Variants in CHD7 observed in about 807,000 individuals in gnomAD.
CHD7 encodes chromodomain helicase DNA binding protein 7, also known as ATP-dependent chromatin remodeler CHD7.
Under a neutral mutation model 307.3 loss-of-function variants are expected in CHD7, and 24 were observed. That is an observed-to-expected ratio of 0.08 (90% CI 0.06 to 0.11). The LOEUF (loss-of-function observed/expected upper bound fraction) is 0.11, where lower values mean the gene tolerates loss of function less well. Ranked by LOEUF, CHD7 falls within the 10% of genes least tolerant of loss-of-function variation. The pLI, the probability that CHD7 is intolerant of heterozygous loss-of-function variation, is 1.00. For missense variants in CHD7, 3,106 were observed against 3,727.1 expected, an observed-to-expected ratio of 0.83 and a Z score of 4.34; for synonymous variants, 1,363 against 1,349.9, an observed-to-expected ratio of 1.01 and a Z score of -0.21.
intron 37 of CHD7, chr8:60,864,626 T>G (rs1806158248): frequency 4.6e-6 from 1 of 217,978 alleles, no homozygotes; most frequent in African/African-American, 2.3e-5. Context: ...CTCTTTTAGT[T>G]ATTTTAAAAT....
In CHD7 at chr8:60,860,947, C is replaced by G; in HGVS notation, c.7652C>G (p.Thr2551Ser). Residue 2551 changes from threonine to serine, a missense_variant, in exon 35 of 38, where the codon ACC (threonine) becomes AGC (serine). Thr to Ser is a moderately conservative substitution (Grantham distance 58). Coordinates refer to ENST00000423902, the MANE Select transcript of CHD7 (RefSeq NM_017780.4). ...VTKAFEEDIETPPTRNIPSPG... is the reference protein window; with the variant it reads ...VTKAFEEDIESPPTRNIPSPG... ...AAAGCTTTTGAAGAAGATATAGAGA[C>G]CCCACCAACAAGAAACATTCCTTCT... 6.2e-7 allele frequency: 1 copy of G among 1,613,934 alleles called. No individual in the cohort carries two copies. Among genetic ancestry groups the G allele is most frequent in the Non-Finnish European group, 8.5e-7 (1 of 1,179,874 alleles).
intron 5 of CHD7, among the ~76,000 whole-genome samples, chr8:60,801,303 C>A (rs534962117): frequency 1.3e-5 from 2 of 151,982 alleles, no homozygotes; most frequent in Non-Finnish European, 2.9e-5. Flanking sequence ...GGCTGGTCCA[C>A]GTAATTAAAC....
chr8:60,741,743 A>G lies in CHD7; in HGVS notation c.311A>G (p.Gln104Arg), dbSNP rs1809032711. ...AACGGACTCGCGTCTCCGCACTCGC[A>G]GTATCACACCCCTCCCGTTCCTCAG... ...PGNGLASPHS[Q>R]YHTPPVPQVP... Residue 104 changes from glutamine to arginine, a missense_variant, in exon 2 of 38, where the codon CAG becomes CGG. Coordinates refer to ENST00000423902, the MANE Select transcript of CHD7 (RefSeq NM_017780.4). The G allele has an allele frequency of 6.2e-7, 1 of 1,613,866 alleles. No homozygotes were observed. The highest frequency in any genetic ancestry group is 1.7e-5 in the Admixed American group (1 of 60,000).
intron 13 of CHD7, among the ~76,000 whole-genome samples, chr8:60,826,404 G>A (rs892425142): frequency 7.9e-5 from 12 of 152,180 alleles, no homozygotes; most frequent in African/African-American, 1.9e-4. Context: ...TGAACAGCTC[G>A]TTGTCTGGTC....
At chr8:60,740,754 C>T (rs1197304983) in intron 1 of CHD7, among the ~76,000 whole-genome samples, 1 of 152,214 alleles carries the variant, frequency 6.6e-6, no homozygotes, top group Admixed American at 6.5e-5. Flanking sequence ...GTATAATCCT[C>T]TAGTCAATTT....
rs1227502557 is a variant in CHD7, at chr8:60,853,437, G to A, written c.6712G>A (p.Glu2238Lys). Reference protein sequence around the residue: ...GSKSISEKGSEEDEEEKLEDD... With the variant: ...GSKSISEKGSKEDEEEKLEDD... ...CAAATCTATTTCAGAGAAAGGTTCC[G>A]AAGAGGATGAAGAGGAAAAGCTGGA... is the stretch of plus-strand genomic sequence containing the variant. Residue 2238 changes from glutamate (E) to lysine (K), a missense_variant, in exon 31 of 38, where the codon GAA becomes AAA. By Grantham distance (56) the Glu-to-Lys change is moderately conservative. Transcript: ENST00000423902. The A allele has an allele frequency of 2.6e-6, 4 of 1,519,830 alleles. No homozygotes were observed. Among genetic ancestry groups the A allele is most frequent in the Admixed American group, 2.3e-5 (1 of 44,140 alleles). The allele number at this position is 1,519,830 out of a possible 1,614,324, so 94.1% of individuals were successfully genotyped here.
At chr8:60,683,909 G>T (rs1028334017) in intron 1 of CHD7, among the ~76,000 whole-genome samples, 8 of 147,658 alleles carry the variant, frequency 5.4e-5, no homozygotes, top group South Asian at 2.1e-4. Context: ...GTTTTTGGAG[G>T]TTTTTTTTTT....
chr8:60,732,484 G>A (rs1808501561), intron 1 of CHD7, among the ~76,000 whole-genome samples: 2 of 152,158 alleles, frequency 1.3e-5, no homozygotes, highest in South Asian at 2.1e-4. Flanking sequence ...ACAGAGCATG[G>A]CCACAGGGCA....
At chr8:60,721,816 C>T (rs1443569622) in intron 1 of CHD7, among the ~76,000 whole-genome samples, 1 of 152,128 alleles carries the variant, frequency 6.6e-6, no homozygotes, top group Non-Finnish European at 1.5e-5. Flanking sequence ...GCTCTCCCGC[C>T]CAACTAGGAA....
At chr8:60,818,520 G>A (rs763520517) in intron 8 of CHD7, among the ~76,000 whole-genome samples, 6 of 152,170 alleles carry the variant, frequency 3.9e-5, no homozygotes, top group Non-Finnish European at 7.3e-5. Flanking sequence ...CCTACGTCTA[G>A]AAGCTTTTGA....
In CHD7 at chr8:60,822,711, A is replaced by C. The variant is rs749081560; in HGVS notation, c.3166A>C (p.Ile1056Leu). ...TGGGAGTCAAGCTAGTCGTCGGACC[A>C]TTCAGTTGTATGAAATGTACTTCAA... ...YHGSQASRRT[I>L]QLYEMYFKDP... The change falls in exon 12 of 38, where the codon ATT (isoleucine) becomes CTT (leucine). Residue 1056 changes from isoleucine to leucine, a missense_variant. This residue lies in a region of CHD7 where 232 missense variants were observed against 422.5 expected (regional missense o/e 0.55). Transcript: ENST00000423902. 1 of 1,612,894 alleles carries C rather than the reference A, an allele frequency of 6.2e-7. No homozygotes were observed. The highest frequency in any genetic ancestry group is 1.1e-5 in the South Asian group (1 of 90,972).
intron 2 of CHD7, among the ~76,000 whole-genome samples, chr8:60,761,274 T>C (rs1810187481): frequency 7.3e-6 from 1 of 136,746 alleles, no homozygotes; most frequent in Admixed American, 8.4e-5. Flanking sequence ...TTCTCACTCA[T>C]AGGTGGGAAT....
At chr8:60,833,721 G>A (rs972362177) in intron 15 of CHD7, among the ~76,000 whole-genome samples, 11 of 152,090 alleles carry the variant, frequency 7.2e-5, no homozygotes, top group African/African-American at 1.9e-4. Flanking sequence ...AATTTAGGAC[G>A]GAACCAACAA....
At chr8:60,732,222 A>C (rs554934320) in intron 1 of CHD7, among the ~76,000 whole-genome samples, 1 of 152,334 alleles carries the variant, frequency 6.6e-6, no homozygotes, top group East Asian at 1.9e-4. Flanking sequence ...CCCCCAGAAT[A>C]TGAAAAAAGA....
In CHD7 at chr8:60,781,178, T is replaced by C. The variant is rs879211256; in HGVS notation, c.1844T>C (p.Phe615Ser). 2 of 1,606,458 alleles carry C rather than the reference T, an allele frequency of 1.2e-6. No homozygotes were observed. The highest frequency in any genetic ancestry group is 1.1e-5 in the South Asian group (1 of 89,342). The change falls in exon 3 of 38, where the codon TTT becomes TCT. Residue 615 changes from phenylalanine to serine, a missense_variant. Phe to Ser is a radical substitution (Grantham distance 155). This residue lies in a region of CHD7 where 998 missense variants were observed against 1,004.5 expected (regional missense o/e 0.99). Coordinates refer to ENST00000423902, the MANE Select transcript of CHD7 (RefSeq NM_017780.4). Reference protein sequence around the residue: ...HIVAEDPSKGFGKDDFPGGVD... With the variant: ...HIVAEDPSKGSGKDDFPGGVD... ...GTAGCAGAGGATCCCAGTAAAGGTT[T>C]TGGTAAAGATGACTTCCCTGGTGGG...
chr8:60,858,595 T>C (rs919391019), intron 34 of CHD7, among the ~76,000 whole-genome samples: 2 of 152,210 alleles, frequency 1.3e-5, no homozygotes, highest in Non-Finnish European at 2.9e-5. Context: ...TATTTGTAGG[T>C]TTTTTTGTTT....
intron 1 of CHD7, among the ~76,000 whole-genome samples, chr8:60,685,156 A>G (rs1805818500): frequency 2.0e-5 from 3 of 152,236 alleles, no homozygotes; most frequent in Non-Finnish European, 4.4e-5. Flanking sequence ...GAGGTAGCTG[A>G]TAATGGACCA....
intron 2 of CHD7, among the ~76,000 whole-genome samples, chr8:60,754,427 A>G (rs1809786994): frequency 6.6e-6 from 1 of 152,206 alleles, no homozygotes; most frequent in African/African-American, 2.4e-5. Flanking sequence ...AATATTTTTT[A>G]TTTTAACTAC....
At chr8:60,687,429 CTGTTA>C (rs1428399743) in intron 1 of CHD7, among the ~76,000 whole-genome samples, 3 of 152,178 alleles carry the variant, frequency 2.0e-5, no homozygotes, top group Admixed American at 2.0e-4. Context: ...TTAAAAGTCT[CTGTTA>C]AAGTGTTTTA....
Sources: gnomAD v4.1 joint callset for allele counts (sites outside exome capture counted in the v4.1 genomes callset) on GRCh38, gnomAD v4.1.1 for gene constraint, gnomAD v4.1.1 regional missense constraint, MANE v1.5 for transcripts, NCBI Gene and HGNC (gene_info 2026-07-23, HGNC 2026-07-21) for gene names.